The following TSHZ2 variants were observed in gnomAD, a reference collection of about 807,000 sequenced individuals.
TSHZ2 encodes the protein teashirt homolog 2.
TSHZ2 carries 21 observed loss-of-function variants against 74.4 expected under a neutral mutation model. The observed-to-expected ratio is 0.28, with a 90% CI of 0.20 to 0.41. The LOEUF (loss-of-function observed/expected upper bound fraction) is 0.41. Ranked by LOEUF, TSHZ2 falls within the 10% of genes least tolerant of loss-of-function variation. The pLI is 1.00. For synonymous variants in TSHZ2, 540 were observed against 515.3 expected, an observed-to-expected ratio of 1.05 and a Z score of -0.65; for missense variants, 1,244 against 1,293.5, an observed-to-expected ratio of 0.96 and a Z score of 0.59.
intron 2 of TSHZ2, among the ~76,000 whole-genome samples, chr20:53,259,099 CA>C (rs1298614017): frequency 1.3e-5 from 2 of 152,266 alleles, no homozygotes; most frequent in East Asian, 3.9e-4. Context: ...ATACCTTGCC[CA>C]TTGCTTAGAA....
intron 1 of TSHZ2, among the ~76,000 whole-genome samples, chr20:53,204,301 TATC>T (rs967402629): frequency 2.9e-5 from 4 of 138,980 alleles, no homozygotes; most frequent in Non-Finnish European, 6.5e-5. Flanking sequence ...TATGATACTA[TATC>T]ATCATATAAC....
At chr20:53,058,557 A>G (rs764593771) in intron 1 of TSHZ2, among the ~76,000 whole-genome samples, 18 of 152,186 alleles carry the variant, frequency 1.2e-4, no homozygotes, top group Non-Finnish European at 2.1e-4. Context: ...CGGGCCACAC[A>G]CCCATGAAGC....
At chr20:53,432,278 G>A (rs1345972845) in intron 2 of TSHZ2, among the ~76,000 whole-genome samples, 1 of 152,134 alleles carries the variant, frequency 6.6e-6, no homozygotes, top group African/African-American at 2.4e-5. Flanking sequence ...CTCCAGTTCT[G>A]TCTAAGTTGC....
intron 2 of TSHZ2, among the ~76,000 whole-genome samples, chr20:53,310,412 C>G (rs1978730366): frequency 6.6e-6 from 1 of 152,212 alleles, no homozygotes; most frequent in Non-Finnish European, 1.5e-5. Flanking sequence ...TGCTGTGAAA[C>G]TAATTACCCC....
At chr20:53,044,198 A>T (rs1984145039) in intron 1 of TSHZ2, among the ~76,000 whole-genome samples, 1 of 152,218 alleles carries the variant, frequency 6.6e-6, no homozygotes, top group African/African-American at 2.4e-5. Context: ...CATATTTGAC[A>T]TTTGTGATGC....
chr20:53,296,224 T>C (rs548098972), intron 2 of TSHZ2, among the ~76,000 whole-genome samples: 4 of 152,258 alleles, frequency 2.6e-5, no homozygotes, highest in Admixed American at 2.6e-4. Context: ...GAAATTGATG[T>C]CTCATTGAGG....
At chr20:53,142,136 G>A (rs1428997493) in intron 1 of TSHZ2, among the ~76,000 whole-genome samples, 1 of 151,124 alleles carries the variant, frequency 6.6e-6, no homozygotes, top group African/African-American at 2.4e-5. Context: ...AATGACTTAA[G>A]GAAAGAGATA....
chr20:53,084,046 CATA>C lies in TSHZ2; in HGVS notation c.40+110716_40+110718del, dbSNP rs920459185. 3.8e-4 allele frequency among the ~76,000 whole-genome samples: 58 copies of C among 151,954 alleles called. 1 individual carries two copies. The highest frequency in any genetic ancestry group is 1.9e-4 in the East Asian group (1 of 5,192). On this transcript the variant is annotated intron_variant, in intron 1 of 2. Coordinates refer to ENST00000371497, the MANE Select transcript of TSHZ2 (RefSeq NM_173485.6). ...AAGATAACATAGCTAAGGTATTTTT[CATA>C]ATGTTTGCCACAGAATAGCCACTAA...
intron 1 of TSHZ2, among the ~76,000 whole-genome samples, chr20:53,191,912 C>T (rs1469432651): frequency 1.3e-5 from 2 of 152,054 alleles, no homozygotes; most frequent in Admixed American, 1.3e-4. Flanking sequence ...TTCACTTATT[C>T]TTTGTCTTTT....
At chr20:52,980,777 A>G (rs183164810) in intron 1 of TSHZ2, among the ~76,000 whole-genome samples, 34 of 152,284 alleles carry the variant, frequency 2.2e-4, no homozygotes, top group African/African-American at 8.2e-4. Context: ...AGATACAAAA[A>G]TGAGACAGAG....
At chr20:53,387,661 A>C (rs927284351) in intron 2 of TSHZ2, among the ~76,000 whole-genome samples, 1 of 152,170 alleles carries the variant, frequency 6.6e-6, no homozygotes, top group Non-Finnish European at 1.5e-5. Flanking sequence ...CCTCTCGCCT[A>C]CAGTTGAAGT....
At chr20:53,001,185 G>C (rs537743205) in intron 1 of TSHZ2, among the ~76,000 whole-genome samples, 2 of 106,974 alleles carry the variant, frequency 1.9e-5, no homozygotes, top group East Asian at 4.4e-4. Context: ...CAATGACAAT[G>C]TTGTGTGTGC....
At chr20:53,446,334 C>T (rs138723207) in intron 2 of TSHZ2, among the ~76,000 whole-genome samples, 2,651 of 149,118 alleles carry the variant, frequency 0.018, 36 homozygotes, top group Middle Eastern at 0.042. Flanking sequence ...GAGGCCGAGG[C>T]GGGCAGATCA....
chr20:53,419,206 A>G (rs1428496315), intron 2 of TSHZ2, among the ~76,000 whole-genome samples: 5 of 152,330 alleles, frequency 3.3e-5, no homozygotes, highest in Admixed American at 1.3e-4. Context: ...CCTCAGACAC[A>G]TGGCAGGTGT....
chr20:53,237,487 CTCTCTT>C (rs749152568), intron 1 of TSHZ2, among the ~76,000 whole-genome samples: 2 of 138,136 alleles, frequency 1.4e-5, no homozygotes, highest in African/African-American at 3.0e-5. Context: ...TGCTCTGTCT[CTCTCTT>C]TCTCTGTGTG....
chr20:53,180,187 C>T (rs999297549), intron 1 of TSHZ2, among the ~76,000 whole-genome samples: 8 of 152,170 alleles, frequency 5.3e-5, no homozygotes, highest in African/African-American at 1.9e-4. Context: ...GGATCTTCTC[C>T]TGGGCATGTT....
chr20:53,050,105 A>ATGTG (rs1568736173), intron 1 of TSHZ2, among the ~76,000 whole-genome samples: 46 of 28,138 alleles, frequency 1.6e-3, no homozygotes, highest in African/African-American at 8.1e-3. Context: ...ATATGTGTGT[A>ATGTG]TATATATATA....
At chr20:53,262,675 G>A (rs1047631774) in intron 2 of TSHZ2, among the ~76,000 whole-genome samples, 1 of 152,130 alleles carries the variant, frequency 6.6e-6, no homozygotes, top group Non-Finnish European at 1.5e-5. Context: ...AGAATCGCAG[G>A]GCAGTTTGTT....
intron 1 of TSHZ2, among the ~76,000 whole-genome samples, chr20:53,094,120 T>C (rs890762563): frequency 1.3e-5 from 2 of 152,122 alleles, no homozygotes; most frequent in African/African-American, 4.8e-5. Context: ...CTGTATCGTC[T>C]GCAGATGCTT....
Sources: allele counts gnomAD v4.1 joint callset (sites outside exome capture counted in the v4.1 genomes callset), GRCh38; gene constraint gnomAD v4.1.1; transcripts MANE v1.5; gene names NCBI Gene and HGNC (gene_info 2026-07-23, HGNC 2026-07-21).